Variants in BRINP3 observed in about 807,000 individuals in gnomAD.
The protein encoded by BRINP3 is BMP/retinoic acid-inducible neural-specific protein 3.
A neutral mutation model predicts 71.0 loss-of-function variants in BRINP3; 19 were observed. That is an observed-to-expected ratio of 0.27 (90% CI 0.19 to 0.39). The LOEUF (loss-of-function observed/expected upper bound fraction) is 0.39. Among genes scored for constraint, BRINP3 ranks in the 10% least tolerant of loss-of-function variants. The probability of loss-of-function intolerance (pLI) is 1.00; values close to 1 mark genes in which losing one functional copy is unlikely to be tolerated. For missense variants in BRINP3, 959 were observed against 940.8 expected (o/e 1.02, Z -0.25); for synonymous variants, 380 against 337.7 (o/e 1.13, Z -1.37).
At chr1:190,252,259 T>C (rs1391184449) in intron 4 of BRINP3, among the ~76,000 whole-genome samples, 2 of 152,050 alleles carry the variant, frequency 1.3e-5, no homozygotes, top group African/African-American at 4.8e-5. Context: ...CTTTACCAAT[T>C]AGTTACACTG....
At chr1:190,421,487 T>G in intron 2 of BRINP3, among the ~76,000 whole-genome samples, 1 of 151,584 alleles carries the variant, frequency 6.6e-6, no homozygotes, top group Middle Eastern at 3.4e-3. Flanking sequence ...TAGAAATTTA[T>G]AACTATATAT....
chr1:190,428,734 T>A (rs563047204), intron 2 of BRINP3, among the ~76,000 whole-genome samples: 1 of 152,264 alleles, frequency 6.6e-6, no homozygotes, highest in East Asian at 1.9e-4. Context: ...GATTTGATCT[T>A]TATACATTGT....
At chr1:190,466,900 A>T (rs1367448503) in intron 1 of BRINP3, among the ~76,000 whole-genome samples, 3 of 151,732 alleles carry the variant, frequency 2.0e-5, no homozygotes, top group African/African-American at 4.8e-5. Flanking sequence ...ATTATAATTT[A>T]AAAAAATTAT....
At chr1:190,299,755 A>G (rs1664533651) in intron 2 of BRINP3, among the ~76,000 whole-genome samples, 1 of 151,836 alleles carries the variant, frequency 6.6e-6, no homozygotes, top group African/African-American at 2.4e-5. Flanking sequence ...GGTGGTGACA[A>G]ATTCTCTCAG....
In BRINP3 at chr1:190,325,875, TATTAC is replaced by T. The variant is rs1186689563; in HGVS notation, c.237-44130_237-44126del. Among the ~76,000 whole-genome samples, 7 of 152,256 alleles carry T rather than the reference TATTAC, an allele frequency of 4.6e-5. No homozygotes were observed. In the East Asian group the frequency reaches 1.4e-3, roughly 29 times the overall value. On this transcript the variant is annotated intron_variant, in intron 2 of 7. Coordinates refer to ENST00000367462, the MANE Select transcript of BRINP3 (RefSeq NM_199051.3). ...TAATTTATACTGCTCAAGTGGATCC[TATTAC>T]ATTAATATGTTAAAAACCAATAATA...
intron 7 of BRINP3, among the ~76,000 whole-genome samples, chr1:190,121,828 T>C (rs1275364119): frequency 6.6e-6 from 1 of 151,852 alleles, no homozygotes; most frequent in East Asian, 1.9e-4. Flanking sequence ...AATCAATACA[T>C]GAAGTAAAAT....
chr1:190,352,058 C>CA (rs1411081581), intron 2 of BRINP3, among the ~76,000 whole-genome samples: 3 of 151,510 alleles, frequency 2.0e-5, no homozygotes, highest in African/African-American at 7.3e-5. Flanking sequence ...ATAATATACC[C>CA]AATAATAAAA....
At chr1:190,474,081 A>G (rs184910781) in intron 1 of BRINP3, among the ~76,000 whole-genome samples, 10 of 152,202 alleles carry the variant, frequency 6.6e-5, no homozygotes, top group African/African-American at 2.4e-4. Flanking sequence ...GCATTTCTGC[A>G]ACTGCCATCT....
At position 190,098,981 on chromosome 1, in the gene BRINP3, G is replaced by A; in HGVS notation, c.1338C>T (p.Ala446=). The change falls in exon 8 of 8, where the codon GCC becomes GCT. Residue 446 remains alanine, a synonymous_variant. Transcript: ENST00000367462. ...TAFLPCTVGD[A]SACLTCAPDN... ...CTGGTGCGCATGTCAGGCAGGCAGA[G>A]GCGTCTCCCACTGTGCAGGGCAGGA... is the stretch of plus-strand genomic sequence containing the variant. 1.2e-6 allele frequency: 2 copies of A among 1,614,144 alleles called. No homozygotes were observed. Among genetic ancestry groups the A allele is most frequent in the East Asian group, 2.2e-5 (1 of 44,856 alleles).
chr1:190,254,269 TGAAC>T (rs1660435997), intron 4 of BRINP3, among the ~76,000 whole-genome samples: 1 of 147,284 alleles, frequency 6.8e-6, no homozygotes, highest in African/African-American at 2.5e-5. Context: ...TAATTCCATA[TGAAC>T]TTTAAAATAG....
chr1:190,285,796 T>G (rs1571632389), intron 2 of BRINP3, among the ~76,000 whole-genome samples: 1 of 152,200 alleles, frequency 6.6e-6, no homozygotes, highest in South Asian at 2.1e-4. Flanking sequence ...CATTAAATGT[T>G]GGAAAAACAA....
intron 2 of BRINP3, among the ~76,000 whole-genome samples, chr1:190,371,462 T>C (rs1022800393): frequency 6.6e-6 from 1 of 152,168 alleles, no homozygotes; most frequent in Non-Finnish European, 1.5e-5. Flanking sequence ...CTTGGCACCT[T>C]TGTGAAAAAT....
chr1:190,359,088 G>A (rs892010750), intron 2 of BRINP3, among the ~76,000 whole-genome samples: 12 of 151,782 alleles, frequency 7.9e-5, no homozygotes, highest in African/African-American at 2.7e-4. Context: ...TGCAGCAAAC[G>A]AATATGACAC....
chr1:190,358,798 T>C (rs947418044), intron 2 of BRINP3, among the ~76,000 whole-genome samples: 2 of 152,140 alleles, frequency 1.3e-5, no homozygotes, highest in African/African-American at 4.8e-5. Context: ...TAAGAAAATG[T>C]GGCACATATA....
chr1:190,284,030 C>T (rs908560755), intron 2 of BRINP3, among the ~76,000 whole-genome samples: 7 of 151,872 alleles, frequency 4.6e-5, no homozygotes, highest in African/African-American at 1.4e-4. Context: ...ATGATTGATT[C>T]AATGGTAATA....
intron 2 of BRINP3, among the ~76,000 whole-genome samples, chr1:190,453,348 G>A (rs993658185): frequency 2.7e-5 from 4 of 150,070 alleles, no homozygotes; most frequent in Non-Finnish European, 3.0e-5. Flanking sequence ...AGCCTCCCCA[G>A]TAGCTGGGAC....
At chr1:190,444,126 G>A (rs567608322) in intron 2 of BRINP3, among the ~76,000 whole-genome samples, 1 of 151,606 alleles carries the variant, frequency 6.6e-6, no homozygotes, top group African/African-American at 2.4e-5. Flanking sequence ...CCAGGTACTC[G>A]GGAGGCTGAG....
rs544110919 is a variant in BRINP3 at position 190,231,386 on chromosome 1, T to C, written c.724+2986A>G. ...TTACATTTAATCATCCACCTTAAAATAGCCTAGTCCTGTGTCAAATTCATT... is the reference window on the plus strand; with the variant it reads ...TTACATTTAATCATCCACCTTAAAACAGCCTAGTCCTGTGTCAAATTCATT... On this transcript the variant is annotated intron_variant, in intron 5 of 7. Coordinates refer to ENST00000367462, the MANE Select transcript of BRINP3 (RefSeq NM_199051.3). Among the ~76,000 whole-genome samples, 6 of 151,980 alleles carry C rather than the reference T, an allele frequency of 3.9e-5. No homozygotes were observed. In the East Asian group the frequency reaches 1.2e-3, roughly 29 times the overall value.
intron 2 of BRINP3, among the ~76,000 whole-genome samples, chr1:190,412,051 C>T (rs1672702600): frequency 6.6e-6 from 1 of 151,966 alleles, no homozygotes; most frequent in Non-Finnish European, 1.5e-5. Context: ...TCTCCCATAG[C>T]CTACTTAAGC....
Sources: allele counts gnomAD v4.1 joint callset (sites outside exome capture counted in the v4.1 genomes callset), GRCh38; gene constraint gnomAD v4.1.1; transcripts MANE v1.5; gene names NCBI Gene and HGNC (gene_info 2026-07-23, HGNC 2026-07-21).